Variants in PLPPR1 observed in about 807,000 individuals in gnomAD.
PLPPR1 encodes the protein phospholipid phosphatase related 1, also known as phospholipid phosphatase-related protein type 1.
A neutral mutation model predicts 33.1 loss-of-function variants in PLPPR1; 10 were observed. The observed-to-expected ratio is 0.30, with a 90% CI of 0.19 to 0.51. The LOEUF is 0.51. PLPPR1 is among the 20% of genes least tolerant of loss of function. The pLI, the probability that PLPPR1 is intolerant of heterozygous loss-of-function variation, is 0.97. For synonymous variants in PLPPR1, 151 were observed against 151.0 expected (o/e 1.00, Z 0.00); for missense variants, 304 against 408.1 (o/e 0.74, Z 2.20).
chr9:101,126,048 A>G (rs559566954), intron 1 of PLPPR1: 1 of 197,674 alleles, frequency 5.1e-6, no homozygotes, highest in African/African-American at 2.3e-5. Flanking sequence ...ACTACTGCCA[A>G]CCAGGCCTGT....
At chr9:101,295,098 C>G (rs1828597232) in intron 4 of PLPPR1, among the ~76,000 whole-genome samples, 1 of 152,084 alleles carries the variant, frequency 6.6e-6, no homozygotes, top group East Asian at 1.9e-4. Context: ...GCAACTTCAG[C>G]AAAGTCTCAG....
intron 1 of PLPPR1, among the ~76,000 whole-genome samples, chr9:101,119,870 T>A (rs1831158524): frequency 6.6e-6 from 1 of 152,158 alleles, no homozygotes; most frequent in African/African-American, 2.4e-5. Flanking sequence ...AACCACCCAT[T>A]TCTGTCTCAT....
intron 1 of PLPPR1, among the ~76,000 whole-genome samples, chr9:101,074,012 C>T (rs765617922): frequency 6.6e-6 from 1 of 152,012 alleles, no homozygotes; most frequent in Non-Finnish European, 1.5e-5. Context: ...ATTCCTGTCC[C>T]AAAGAAATGA....
At chr9:101,049,749 A>G (rs1830196065) in intron 1 of PLPPR1, among the ~76,000 whole-genome samples, 1 of 152,126 alleles carries the variant, frequency 6.6e-6, no homozygotes, top group Non-Finnish European at 1.5e-5. Context: ...CTATTTTTGT[A>G]TAAAAACAAA....
At chr9:101,079,353 G>T (rs963573610) in intron 1 of PLPPR1, among the ~76,000 whole-genome samples, 1 of 152,042 alleles carries the variant, frequency 6.6e-6, no homozygotes, top group Admixed American at 6.5e-5. Context: ...TTACTCCTTT[G>T]TTTTGCTGGA....
At chr9:101,171,592 G>A (rs1825941578) in intron 1 of PLPPR1, among the ~76,000 whole-genome samples, 1 of 152,090 alleles carries the variant, frequency 6.6e-6, no homozygotes, top group South Asian at 2.1e-4. Context: ...TCCTTTATAA[G>A]CTTTGCAACT....
chr9:101,262,559 G>C (rs1206228121), intron 2 of PLPPR1, among the ~76,000 whole-genome samples: 1 of 152,182 alleles, frequency 6.6e-6, no homozygotes, highest in Admixed American at 6.5e-5. Flanking sequence ...GTTGGTGGGA[G>C]TATAAATTAG....
intron 3 of PLPPR1, among the ~76,000 whole-genome samples, chr9:101,273,030 C>T (rs1342016104): frequency 2.6e-5 from 4 of 152,182 alleles, no homozygotes; most frequent in Non-Finnish European, 1.5e-5. Context: ...TGGTTTAATA[C>T]ATTATGTGCC....
At chr9:101,048,086 C>T (rs1044993899) in intron 1 of PLPPR1, among the ~76,000 whole-genome samples, 2 of 152,162 alleles carry the variant, frequency 1.3e-5, no homozygotes, top group Admixed American at 6.5e-5. Context: ...ATCACCTGCT[C>T]CTTTATCGCA....
chr9:101,276,018 A>G (rs759992630), intron 3 of PLPPR1, among the ~76,000 whole-genome samples: 16 of 152,164 alleles, frequency 1.1e-4, no homozygotes, highest in Non-Finnish European at 2.1e-4. Flanking sequence ...AGCACAGTGC[A>G]GATCACAAAG....
At position 101,324,018 on chromosome 9, in the gene PLPPR1, T is replaced by C; in HGVS notation, c.946-7T>C. 8 of 1,611,992 alleles carry C rather than the reference T, an allele frequency of 5.0e-6. No individual in the cohort carries two copies. Among genetic ancestry groups the C allele is most frequent in the Non-Finnish European group, 6.8e-6 (8 of 1,178,340 alleles). ...TCAGATTTTATCTGCTTGTGTTTGC[T>C]CCACAGAATCACTCTGCGTCCATGA... On this transcript the variant is annotated splice_polypyrimidine_tract_variant and splice_region_variant and intron_variant, in intron 7 of 7. Transcript: ENST00000374874.
chr9:101,185,591 G>A, intron 2 of PLPPR1, 34 bp downstream of exon 2: 1 of 1,332,930 alleles, frequency 7.5e-7, no homozygotes, highest in Non-Finnish European at 1.1e-6. Flanking sequence ...TGGACAAATT[G>A]AAATAAAAGT....
chr9:101,288,051 A>G (rs1229494188), intron 4 of PLPPR1, among the ~76,000 whole-genome samples: 1 of 152,208 alleles, frequency 6.6e-6, no homozygotes, highest in East Asian at 1.9e-4. Flanking sequence ...AAGATAAATT[A>G]TACCTTTTGT....
At chr9:101,084,594 G>A (rs180974010) in intron 1 of PLPPR1, among the ~76,000 whole-genome samples, 1 of 152,320 alleles carries the variant, frequency 6.6e-6, no homozygotes, top group East Asian at 1.9e-4. Context: ...GCTTCATAGA[G>A]GGAGTCATGC....
At chr9:101,228,123 T>G (rs574977592) in intron 2 of PLPPR1, among the ~76,000 whole-genome samples, 1 of 152,262 alleles carries the variant, frequency 6.6e-6, no homozygotes, top group South Asian at 2.1e-4. Flanking sequence ...TCAAGATGAC[T>G]GCCTAGGATG....
intron 1 of PLPPR1, among the ~76,000 whole-genome samples, chr9:101,058,823 T>C (rs1330991571): frequency 1.3e-5 from 2 of 152,204 alleles, no homozygotes; most frequent in African/African-American, 4.8e-5. Flanking sequence ...TTATGTGCAC[T>C]ACTATTTAAT....
At chr9:101,036,029 T>A (rs1367036385) in intron 1 of PLPPR1, among the ~76,000 whole-genome samples, 1 of 152,216 alleles carries the variant, frequency 6.6e-6, no homozygotes, top group African/African-American at 2.4e-5. Context: ...TGACTTTATT[T>A]AAAATTTTGA....
intron 1 of PLPPR1, among the ~76,000 whole-genome samples, chr9:101,153,024 C>T (rs1406274685): frequency 6.6e-6 from 1 of 152,172 alleles, no homozygotes; most frequent in Non-Finnish European, 1.5e-5. Context: ...ATTCTTCCTA[C>T]CCACGAGCAG....
chr9:101,077,702 G>A (rs1239381463), intron 1 of PLPPR1, among the ~76,000 whole-genome samples: 4 of 152,078 alleles, frequency 2.6e-5, no homozygotes, highest in Non-Finnish European at 5.9e-5. Flanking sequence ...CCAAAGTGGG[G>A]AAAGACCTTC....
Sources: allele counts gnomAD v4.1 joint callset (sites outside exome capture counted in the v4.1 genomes callset), GRCh38; gene constraint gnomAD v4.1.1; transcripts MANE v1.5; gene names NCBI Gene and HGNC (gene_info 2026-07-23, HGNC 2026-07-21).